The following KHDRBS2 variants were observed in gnomAD, a reference collection of about 807,000 sequenced individuals.
The protein encoded by KHDRBS2 is KH RNA binding domain containing, signal transduction associated 2.
Under a neutral mutation model 44.3 loss-of-function variants are expected in KHDRBS2, and 26 were observed. The ratio of observed to expected loss-of-function variants is 0.59; its 90% confidence interval spans 0.43 to 0.81. The LOEUF (loss-of-function observed/expected upper bound fraction) is 0.81, where lower values mean the gene tolerates loss of function less well. KHDRBS2 is among the 40% of genes least tolerant of loss of function. The pLI, the probability that KHDRBS2 is intolerant of heterozygous loss-of-function variation, is 0.00. For synonymous variants in KHDRBS2, 194 were observed against 151.1 expected (o/e 1.28, Z -2.08); for missense variants, 476 against 433.1 (o/e 1.10, Z -0.88).
chr6:62,071,785 G>C (rs1229749483), intron 2 of KHDRBS2, among the ~76,000 whole-genome samples: 2 of 152,266 alleles, frequency 1.3e-5, no homozygotes, highest in Middle Eastern at 3.4e-3. Context: ...GATGCCTCCA[G>C]CTTTGTTCTT....
chr6:62,079,014 G>T (rs1682797351), intron 2 of KHDRBS2, among the ~76,000 whole-genome samples: 1 of 151,964 alleles, frequency 6.6e-6, no homozygotes, highest in Admixed American at 6.6e-5. Flanking sequence ...ACTTGCAAAG[G>T]TATGATAATC....
the KHDRBS2 span, among the ~76,000 whole-genome samples, chr6:61,551,876 T>A: frequency 1.3e-5 from 2 of 152,194 alleles, no homozygotes; most frequent in Admixed American, 1.3e-4. Context: ...GAATTTTAAA[T>A]TAGTTTTTTC....
the KHDRBS2 span, among the ~76,000 whole-genome samples, chr6:61,594,907 ACAGT>A: frequency 6.6e-6 from 1 of 152,138 alleles, no homozygotes; most frequent in Non-Finnish European, 1.5e-5. Context: ...CTGTAAAATA[ACAGT>A]CATTCATTTA....
chr6:61,582,508 A>C, the KHDRBS2 span, among the ~76,000 whole-genome samples: 1 of 151,790 alleles, frequency 6.6e-6, no homozygotes, highest in East Asian at 1.9e-4. Context: ...TGATTCAGAG[A>C]AGAGGTGGTT....
the KHDRBS2 span, among the ~76,000 whole-genome samples, chr6:61,615,652 G>A: frequency 6.6e-6 from 1 of 152,164 alleles, no homozygotes; most frequent in Middle Eastern, 3.4e-3. Flanking sequence ...AAAGTGTTCC[G>A]AATTTGAAAC....
intron 6 of KHDRBS2, among the ~76,000 whole-genome samples, chr6:61,841,432 T>A (rs1472458464): frequency 6.6e-6 from 1 of 152,166 alleles, no homozygotes; most frequent in African/African-American, 2.4e-5. Context: ...TAATTCTGTT[T>A]AAAATAAAGT....
intron 2 of KHDRBS2, among the ~76,000 whole-genome samples, chr6:62,109,757 A>G (rs1454340807): frequency 6.6e-6 from 1 of 151,406 alleles, no homozygotes; most frequent in Non-Finnish European, 1.5e-5. Context: ...GAAGAAGGAG[A>G]AGGAATTAAA....
At chr6:62,257,857 T>G (rs1219725115) in intron 1 of KHDRBS2, among the ~76,000 whole-genome samples, 1 of 152,018 alleles carries the variant, frequency 6.6e-6, no homozygotes, top group African/African-American at 2.4e-5. Flanking sequence ...ACATCCATCT[T>G]CTGGTCTTTA....
At chr6:61,777,305 A>C (rs1471818268) in intron 6 of KHDRBS2, among the ~76,000 whole-genome samples, 2 of 152,100 alleles carry the variant, frequency 1.3e-5, no homozygotes, top group African/African-American at 4.8e-5. Context: ...AAAATATAAA[A>C]AAAATTCCAC....
At chr6:62,022,048 T>A (rs1434924678) in intron 3 of KHDRBS2, among the ~76,000 whole-genome samples, 1 of 146,626 alleles carries the variant, frequency 6.8e-6, no homozygotes, top group Non-Finnish European at 1.5e-5. Flanking sequence ...ATATATATAT[T>A]CTGTAGGGGA....
intron 6 of KHDRBS2, among the ~76,000 whole-genome samples, chr6:61,802,319 T>A (rs1786411667): frequency 6.6e-6 from 1 of 152,188 alleles, no homozygotes; most frequent in Admixed American, 6.6e-5. Context: ...TTTGATCTAC[T>A]GACTGTGGTA....
the KHDRBS2 span, among the ~76,000 whole-genome samples, chr6:61,663,705 ATT>A: frequency 1.3e-5 from 2 of 150,658 alleles, no homozygotes; most frequent in African/African-American, 4.9e-5. Flanking sequence ...AATGTCCTCT[ATT>A]AACTGAAAAC....
At chr6:61,925,764 A>G (rs1373931790) in intron 4 of KHDRBS2, among the ~76,000 whole-genome samples, 9 of 151,694 alleles carry the variant, frequency 5.9e-5, no homozygotes, top group Admixed American at 5.9e-4. Context: ...TTTGTGGGGC[A>G]ATGAAAACAT....
chr6:61,613,046 G>A, the KHDRBS2 span, among the ~76,000 whole-genome samples: 1 of 151,874 alleles, frequency 6.6e-6, no homozygotes, highest in East Asian at 1.9e-4. Context: ...TAGAGACGGG[G>A]TTTCACCATA....
At chr6:61,986,445 A>G (rs1775066679) in intron 3 of KHDRBS2, among the ~76,000 whole-genome samples, 3 of 152,220 alleles carry the variant, frequency 2.0e-5, no homozygotes, top group Admixed American at 6.5e-5. Context: ...TGGTATAAGG[A>G]AGAGTGTATC....
chr6:62,247,372 G>A (rs76901035), intron 1 of KHDRBS2, among the ~76,000 whole-genome samples: 151,756 of 151,756 alleles, frequency 1, 75,878 homozygotes, highest in Non-Finnish European at 1. Flanking sequence ...TAGTGCGCCA[G>A]CCTAGCACCA....
chr6:62,068,882 C>T (rs1794357163), intron 2 of KHDRBS2, among the ~76,000 whole-genome samples: 1 of 151,596 alleles, frequency 6.6e-6, no homozygotes, highest in African/African-American at 2.4e-5. Flanking sequence ...AATACCAAAC[C>T]ATCTTGAATA....
chr6:61,818,320 G>T (rs1214612934), intron 6 of KHDRBS2, among the ~76,000 whole-genome samples: 2 of 147,968 alleles, frequency 1.4e-5, no homozygotes, highest in African/African-American at 5.0e-5. Context: ...GAAGAGAAAA[G>T]GATAGAAAAA....
intron 4 of KHDRBS2, among the ~76,000 whole-genome samples, chr6:61,967,298 T>C (rs1770211185): frequency 6.6e-6 from 1 of 151,490 alleles, no homozygotes; most frequent in South Asian, 2.1e-4. Flanking sequence ...TTTATAACAG[T>C]AAATCATAGT....
Sources: allele counts gnomAD v4.1 joint callset (sites outside exome capture counted in the v4.1 genomes callset), GRCh38; gene constraint gnomAD v4.1.1; transcripts MANE v1.5; gene names NCBI Gene and HGNC (gene_info 2026-07-23, HGNC 2026-07-21).